LRRC37A2: variants seen among roughly 807,000 people sequenced by gnomAD.
LRRC37A2 encodes the protein leucine rich repeat containing 37 member A2.
LRRC37A2 carries 9 observed loss-of-function variants against 68.8 expected under a neutral mutation model. The ratio of observed to expected loss-of-function variants is 0.13; its 90% CI spans 0.08 to 0.23. The LOEUF is 0.23. LRRC37A2 is among the 10% of genes least tolerant of loss of function. The pLI, the probability that LRRC37A2 is intolerant of heterozygous loss-of-function variation, is 1.00. For missense variants in LRRC37A2, 168 were observed against 950.4 expected, an observed-to-expected ratio of 0.18 and a Z score of 10.82; for synonymous variants, 63 against 367.6, an observed-to-expected ratio of 0.17 and a Z score of 9.48.
the LRRC37A2 span, among the ~76,000 whole-genome samples, chr17:46,744,576 C>G: frequency 6.6e-6 from 1 of 152,000 alleles, no homozygotes; most frequent in Non-Finnish European, 1.5e-5. Context: ...GAAATCAGCC[C>G]TTCCATTTCA....
the LRRC37A2 span, among the ~76,000 whole-genome samples, chr17:46,920,577 G>A: frequency 6.6e-6 from 1 of 152,284 alleles, no homozygotes; most frequent in East Asian, 1.9e-4. Context: ...TAGTAGATAA[G>A]CTTGGAGGAT....
chr17:47,018,013 C>T, the LRRC37A2 span: 4 of 1,502,072 alleles, frequency 2.7e-6, no homozygotes, highest in Admixed American at 6.7e-5. Flanking sequence ...GAGAGTCTAA[C>T]TCTACCGAAT....
At chr17:46,897,395 C>G in the LRRC37A2 span, among the ~76,000 whole-genome samples, 1 of 152,164 alleles carries the variant, frequency 6.6e-6, no homozygotes, top group Non-Finnish European at 1.5e-5. Context: ...GGTCACCTTC[C>G]CCTGGGGTTG....
At chr17:46,896,470 A>C in the LRRC37A2 span, among the ~76,000 whole-genome samples, 231 of 131,838 alleles carry the variant, frequency 1.8e-3, no homozygotes, top group African/African-American at 8.0e-3. Context: ...GAAAGAAAGA[A>C]AGAAAGACAG....
At chr17:46,817,416 T>G in the LRRC37A2 span, among the ~76,000 whole-genome samples, 1 of 152,142 alleles carries the variant, frequency 6.6e-6, no homozygotes, top group Non-Finnish European at 1.5e-5. Context: ...GAGGGGAAGA[T>G]TCTTTAATTA....
chr17:46,818,253 A>G, the LRRC37A2 span, among the ~76,000 whole-genome samples: 1 of 152,056 alleles, frequency 6.6e-6, no homozygotes, highest in Non-Finnish European at 1.5e-5. Context: ...GTTAGGATCT[A>G]AGAATAAGAA....
At chr17:46,773,798 C>T in the LRRC37A2 span, 7 of 1,613,608 alleles carry the variant, frequency 4.3e-6, no homozygotes, top group South Asian at 7.7e-5. Context: ...TGGGCATGAT[C>T]TCGATGTAAT....
chr17:46,864,110 G>A, the LRRC37A2 span, among the ~76,000 whole-genome samples: 235 of 152,344 alleles, frequency 1.5e-3, no homozygotes, highest in African/African-American at 5.2e-3. Context: ...CCCAGCCTGA[G>A]CCTGCCTGTG....
the LRRC37A2 span, chr17:47,018,285 C>T: frequency 6.2e-7 from 1 of 1,611,520 alleles, no homozygotes; most frequent in Non-Finnish European, 8.5e-7. Context: ...GCAGCCAGTT[C>T]AGCCTTCTGA....
the LRRC37A2 span, among the ~76,000 whole-genome samples, chr17:46,666,684 TA>T: frequency 3.3e-4 from 13 of 38,986 alleles, no homozygotes; most frequent in African/African-American, 1.1e-3. Context: ...TTATTTCATG[TA>T]AGATAATGAT....
chr17:46,717,196 A>G, the LRRC37A2 span, among the ~76,000 whole-genome samples: 2 of 152,204 alleles, frequency 1.3e-5, no homozygotes, highest in Non-Finnish European at 1.5e-5. Flanking sequence ...TTGCAACAAC[A>G]TGGATGAAGG....
At chr17:46,892,822 A>G in the LRRC37A2 span, among the ~76,000 whole-genome samples, 6 of 152,362 alleles carry the variant, frequency 3.9e-5, no homozygotes, top group East Asian at 1.2e-3. Flanking sequence ...TGGCTGATGT[A>G]GATCATCAAA....
the LRRC37A2 span, among the ~76,000 whole-genome samples, chr17:46,944,788 C>T: frequency 2.6e-5 from 4 of 151,996 alleles, no homozygotes; most frequent in South Asian, 2.1e-4. Context: ...TTAGTAGAAA[C>T]GGGGTTTCTC....
At chr17:46,750,509 T>A in the LRRC37A2 span, among the ~76,000 whole-genome samples, 1 of 152,228 alleles carries the variant, frequency 6.6e-6, no homozygotes. Context: ...TCAGAAAGTT[T>A]CCAATTTTGG....
At chr17:46,926,397 G>T in the LRRC37A2 span, among the ~76,000 whole-genome samples, 1 of 152,102 alleles carries the variant, frequency 6.6e-6, no homozygotes, top group Non-Finnish European at 1.5e-5. Flanking sequence ...GTAGTTTCAT[G>T]AACTTTTAAA....
chr17:46,939,119 C>T, the LRRC37A2 span: 3 of 1,183,956 alleles, frequency 2.5e-6, no homozygotes, highest in Non-Finnish European at 3.2e-6. Flanking sequence ...GGACTGTCCA[C>T]ACGGTTCACA....
At chr17:46,836,656 T>A in the LRRC37A2 span, among the ~76,000 whole-genome samples, 1 of 152,122 alleles carries the variant, frequency 6.6e-6, no homozygotes, top group South Asian at 2.1e-4. Context: ...GTTGGGAAAT[T>A]CATTGATAAA....
At chr17:46,828,379 G>A in the LRRC37A2 span, among the ~76,000 whole-genome samples, 36 of 151,820 alleles carry the variant, frequency 2.4e-4, no homozygotes, top group Non-Finnish European at 3.5e-4. Flanking sequence ...TAAAATTTTT[G>A]GTAGAGATGG....
the LRRC37A2 span, among the ~76,000 whole-genome samples, chr17:46,969,976 A>C: frequency 6.6e-6 from 1 of 152,160 alleles, no homozygotes; most frequent in African/African-American, 2.4e-5. Context: ...CAGGCTGTGC[A>C]AGCAGACACC....
Sources: gnomAD v4.1 joint callset for allele counts (sites outside exome capture counted in the v4.1 genomes callset) on GRCh38, gnomAD v4.1.1 for gene constraint, MANE v1.5 for transcripts, NCBI Gene and HGNC (gene_info 2026-07-23, HGNC 2026-07-21) for gene names.